Variants in USH2A observed in about 807,000 individuals in gnomAD.
The protein encoded by USH2A is Usher syndrome 2A (autosomal recessive, mild).
In USH2A, 443 loss-of-function variants were observed where a neutral mutation model predicts 538.9. The observed-to-expected ratio is 0.82, with a 90% CI of 0.76 to 0.89. The LOEUF (loss-of-function observed/expected upper bound fraction) is 0.89, where lower values mean the gene tolerates loss of function less well. Ranked by LOEUF, USH2A falls within the 40% of genes least tolerant of loss-of-function variation. The pLI, the probability that USH2A is intolerant of heterozygous loss-of-function variation, is 0.00. For synonymous variants in USH2A, 2,413 were observed against 2,273.5 expected (o/e 1.06, Z -1.75); for missense variants, 6,633 against 6,324.8 (o/e 1.05, Z -1.65).
intron 64 of USH2A, among the ~76,000 whole-genome samples, chr1:215,654,662 T>C (rs910240132): frequency 2.6e-5 from 4 of 152,212 alleles, no homozygotes; most frequent in Non-Finnish European, 4.4e-5. Context: ...ATAGAAAACA[T>C]AGATTAACTA....
At chr1:215,707,978 G>A (rs181994937) in intron 61 of USH2A, among the ~76,000 whole-genome samples, 1 of 152,226 alleles carries the variant, frequency 6.6e-6, no homozygotes, top group East Asian at 1.9e-4. Flanking sequence ...AATGCAACAT[G>A]TGAACAATTA....
intron 36 of USH2A, among the ~76,000 whole-genome samples, chr1:215,968,597 G>A (rs1667415817): frequency 6.6e-6 from 1 of 152,092 alleles, no homozygotes. Context: ...ATTTGGGACT[G>A]TGAAGCATAT....
chr1:216,073,393 G>T (rs898389329), intron 27 of USH2A, 93 bp from the exon 28 acceptor site: 1 of 1,359,646 alleles, frequency 7.4e-7, no homozygotes, highest in Non-Finnish European at 1.0e-6. Context: ...TTTTGAGGAA[G>T]GGGGGTGGTT....
At chr1:215,919,280 A>G (rs1666037317) in intron 38 of USH2A, among the ~76,000 whole-genome samples, 1 of 152,134 alleles carries the variant, frequency 6.6e-6, no homozygotes, top group Non-Finnish European at 1.5e-5. Flanking sequence ...CACATAGGGA[A>G]GGAAACAACT....
intron 3 of USH2A, among the ~76,000 whole-genome samples, chr1:216,378,231 G>T (rs573283163): frequency 2.3e-4 from 35 of 152,296 alleles, no homozygotes; most frequent in African/African-American, 7.9e-4. Flanking sequence ...AGGTGAGAAT[G>T]ACTAAAGTTA....
At chr1:216,303,567 TTAC>T (rs1297039205) in intron 9 of USH2A, among the ~76,000 whole-genome samples, 5 of 151,956 alleles carry the variant, frequency 3.3e-5, no homozygotes, top group Admixed American at 2.6e-4. Context: ...TTAGACTTGA[TTAC>T]TACATTAGTA....
chr1:216,167,988 A>G (rs1250034438), intron 21 of USH2A, among the ~76,000 whole-genome samples: 1 of 152,158 alleles, frequency 6.6e-6, no homozygotes. Flanking sequence ...ATCTGAATAG[A>G]AAGGAACTTA....
intron 55 of USH2A, among the ~76,000 whole-genome samples, chr1:215,772,778 A>T (rs1661330225): frequency 6.6e-6 from 1 of 152,246 alleles, no homozygotes; most frequent in African/African-American, 2.4e-5. Flanking sequence ...CTATAGTGTC[A>T]TCTGCTATGT....
At chr1:215,926,677 G>C (rs560676308) in intron 38 of USH2A, among the ~76,000 whole-genome samples, 3 of 133,130 alleles carry the variant, frequency 2.3e-5, no homozygotes, top group South Asian at 2.5e-4. Flanking sequence ...GAGTGCAATG[G>C]TACAATCTTG....
At chr1:215,673,142 G>A (rs1433803059) in intron 63 of USH2A, among the ~76,000 whole-genome samples, 1 of 152,126 alleles carries the variant, frequency 6.6e-6, no homozygotes, top group Non-Finnish European at 1.5e-5. Context: ...GGATACCTGA[G>A]GAAGTTTTAA....
At chr1:215,916,727 G>C (rs192943881) in intron 38 of USH2A, among the ~76,000 whole-genome samples, 193 of 152,098 alleles carry the variant, frequency 1.3e-3, no homozygotes, top group African/African-American at 4.3e-3. Flanking sequence ...ATATAGAAAG[G>C]GGGGCAGAGG....
intron 61 of USH2A, among the ~76,000 whole-genome samples, chr1:215,726,730 A>T (rs1310375282): frequency 6.6e-6 from 1 of 152,176 alleles, no homozygotes; most frequent in Non-Finnish European, 1.5e-5. Context: ...CACTCCCAAG[A>T]CCACAAAATT....
chr1:215,962,895 A>G (rs574723707), intron 37 of USH2A, among the ~76,000 whole-genome samples: 2 of 152,274 alleles, frequency 1.3e-5, no homozygotes, highest in South Asian at 4.1e-4. Context: ...ATGTTTTTGT[A>G]AAGTTTTTAG....
intron 21 of USH2A, among the ~76,000 whole-genome samples, chr1:216,165,952 C>T (rs1217505041): frequency 6.6e-6 from 1 of 151,732 alleles, no homozygotes; most frequent in Non-Finnish European, 1.5e-5. Flanking sequence ...TTTTTTTATC[C>T]CTCACCCCAT....
At chr1:215,819,049 A>G (rs1662936289) in intron 47 of USH2A, among the ~76,000 whole-genome samples, 2 of 151,938 alleles carry the variant, frequency 1.3e-5, no homozygotes, top group South Asian at 4.1e-4. Flanking sequence ...ATGATTCTAG[A>G]ATTTCTAGCC....
chr1:215,890,289 A>G (rs1665175502), intron 40 of USH2A, among the ~76,000 whole-genome samples: 1 of 152,230 alleles, frequency 6.6e-6, no homozygotes, highest in South Asian at 2.1e-4. Context: ...AATTGTTTAA[A>G]ACAGCGTTGA....
intron 38 of USH2A, among the ~76,000 whole-genome samples, chr1:215,911,723 C>T (rs1489398362): frequency 1.3e-5 from 2 of 151,952 alleles, no homozygotes; most frequent in Admixed American, 6.6e-5. Flanking sequence ...GGGTGTATGC[C>T]CAGCAATGGG....
At chr1:215,910,371 T>C (rs1665750207) in intron 38 of USH2A, among the ~76,000 whole-genome samples, 1 of 151,974 alleles carries the variant, frequency 6.6e-6, no homozygotes, top group Non-Finnish European at 1.5e-5. Flanking sequence ...AGAGCCAACT[T>C]ATCTGGGTTC....
intron 61 of USH2A, among the ~76,000 whole-genome samples, chr1:215,685,421 A>G (rs1658392778): frequency 6.6e-6 from 1 of 151,024 alleles, no homozygotes; most frequent in South Asian, 2.1e-4. Flanking sequence ...ACAATGGCGC[A>G]ATCTCAGCTC....
Sources: allele counts gnomAD v4.1 joint callset (sites outside exome capture counted in the v4.1 genomes callset), GRCh38; gene constraint gnomAD v4.1.1; transcripts MANE v1.5; gene names NCBI Gene and HGNC (gene_info 2026-07-23, HGNC 2026-07-21).